The following MYOF variants were observed in gnomAD, a reference collection of about 807,000 sequenced individuals.
MYOF encodes the protein myoferlin, also known as fer-1-like 3, myoferlin.
A neutral mutation model predicts 284.2 loss-of-function variants in MYOF; 244 were observed. The observed-to-expected ratio is 0.86, with a 90% confidence interval of 0.77 to 0.95. The LOEUF (loss-of-function observed/expected upper bound fraction) is 0.95. Among genes scored for constraint, MYOF ranks in the 40% least tolerant of loss-of-function variants. The probability of loss-of-function intolerance (pLI) is 0.00; values close to 1 mark genes in which losing one functional copy is unlikely to be tolerated. For synonymous variants in MYOF, 904 were observed against 919.7 expected (o/e 0.98, Z 0.31); for missense variants, 2,496 against 2,560.6 (o/e 0.97, Z 0.54).
At position 93,328,891 on chromosome 10, in the gene MYOF, C is replaced by T. The variant is rs147755177; in HGVS notation, c.5003G>A (p.Arg1668Gln). 209 of 1,611,192 alleles carry T rather than the reference C, an allele frequency of 1.3e-4. No individual in the cohort carries two copies. The African/African-American group carries it at 2.1e-3, about 16-fold the overall frequency. The change falls in exon 45 of 54, where the codon CGA (arginine) becomes CAA (glutamine). Residue 1668 changes from arginine (R) to glutamine (Q), a missense_variant. Physicochemically the swap from Arg to Gln is conservative, Grantham distance 43 (BLOSUM62 1). This residue lies in a region of MYOF where 2,436 missense variants were observed against 2,480.7 expected (regional missense o/e 0.98). Coordinates refer to ENST00000359263, the MANE Select transcript of MYOF (RefSeq NM_013451.4). Reference sequence around the variant, plus strand: ...CAGCTGTGTTGGTCTCAGTTGATCTCGCCAGGTATTGACTCCAGAACTGTG... The same window carrying T: ...CAGCTGTGTTGGTCTCAGTTGATCTTGCCAGGTATTGACTCCAGAACTGTG... ...EYCVSGVNTWRDQLRPTQLLQ... is the reference protein window; with the variant it reads ...EYCVSGVNTWQDQLRPTQLLQ...
intron 5 of MYOF, among the ~76,000 whole-genome samples, chr10:93,420,594 G>C (rs1848318745): frequency 6.6e-6 from 1 of 152,192 alleles, no homozygotes; most frequent in Non-Finnish European, 1.5e-5. Flanking sequence ...ACAAATGGCA[G>C]GGGCAAATTT....
At chr10:93,357,636 A>G (rs894923798) in intron 29 of MYOF, among the ~76,000 whole-genome samples, 1 of 152,260 alleles carries the variant, frequency 6.6e-6, no homozygotes, top group Non-Finnish European at 1.5e-5. Flanking sequence ...TGAGAGCTCC[A>G]TGTGGGTAAT....
Position 93,402,874 on chromosome 10 carries a change from A to G in MYOF, c.860T>C (p.Val287Ala). Residue 287 changes from valine to alanine, a missense_variant, in exon 10 of 54, where the codon GTT becomes GCT. Val to Ala is a moderately conservative substitution (Grantham distance 64). Around this residue, in one of 3 missense-constraint regions of MYOF, gnomAD observed 2,436 missense variants for 2,480.7 expected, o/e 0.98. Transcript: ENST00000359263. ...MGEFKIDVGF[V>A]YDEPGHAVMR... is the part of the protein sequence containing the mutation. Reference sequence around the variant, plus strand: ...ACATTACTTACCAGGTTCATCATAAACAAATCCAACATCAATCTGGGAAAA... The same window carrying G: ...ACATTACTTACCAGGTTCATCATAAGCAAATCCAACATCAATCTGGGAAAA... 1 of 1,611,914 alleles carries G rather than the reference A, an allele frequency of 6.2e-7. No individual in the cohort carries two copies. Among genetic ancestry groups the G allele is most frequent in the Non-Finnish European group, 8.5e-7 (1 of 1,178,144 alleles).
chr10:93,425,445 C>A (rs1848547092), intron 5 of MYOF, among the ~76,000 whole-genome samples: 1 of 152,146 alleles, frequency 6.6e-6, no homozygotes, highest in Non-Finnish European at 1.5e-5. Flanking sequence ...TGTAGGCCCT[C>A]CCTCCCTGAG....
chr10:93,402,718 CTCAT>C (rs1264530382), intron 10 of MYOF, 138 bp downstream of exon 10: 33 of 693,672 alleles, frequency 4.8e-5, no homozygotes, highest in African/African-American at 7.3e-5. Flanking sequence ...TCTCCTCTCC[CTCAT>C]TAAGAAAATA....
At chr10:93,456,621 T>C (rs1008259307) in intron 2 of MYOF, among the ~76,000 whole-genome samples, 3 of 152,230 alleles carry the variant, frequency 2.0e-5, no homozygotes, top group African/African-American at 7.2e-5. Context: ...AGCAAGCTCG[T>C]GGCGGTGCCT....
intron 11 of MYOF, among the ~76,000 whole-genome samples, 196 bp downstream of exon 11, chr10:93,402,036 A>T (rs1448355250): frequency 6.6e-6 from 1 of 152,210 alleles, no homozygotes; most frequent in Non-Finnish European, 1.5e-5. Context: ...TCACTCATAG[A>T]CATCAGATAA....
chr10:93,436,967 C>G (rs887181176), intron 3 of MYOF, among the ~76,000 whole-genome samples: 55 of 152,340 alleles, frequency 3.6e-4, no homozygotes, highest in African/African-American at 1.3e-3. Flanking sequence ...ACTACTGTCT[C>G]AAAAGGAAAT....
chr10:93,478,825 CAAAAAAAAAAAAA>C, intron 1 of MYOF, among the ~76,000 whole-genome samples: 1 of 103,650 alleles, frequency 9.6e-6, no homozygotes. Flanking sequence ...GAAACAGTCT[CAAAAAAAAAAAAA>C]AAAAAGAAAG....
At chr10:93,434,159 G>A (rs778257591) in intron 3 of MYOF, among the ~76,000 whole-genome samples, 23 of 152,020 alleles carry the variant, frequency 1.5e-4, no homozygotes, top group Admixed American at 4.6e-4. Flanking sequence ...GGCCAGGTGC[G>A]GTGGCTCATG....
intron 48 of MYOF, among the ~76,000 whole-genome samples, chr10:93,321,695 T>C (rs1842848121): frequency 6.6e-6 from 1 of 150,386 alleles, no homozygotes; most frequent in Non-Finnish European, 1.5e-5. Flanking sequence ...CAGCTCTTCC[T>C]CTCTTTTTTT....
intron 1 of MYOF, among the ~76,000 whole-genome samples, chr10:93,466,215 C>T (rs1307391375): frequency 6.6e-6 from 1 of 152,216 alleles, no homozygotes; most frequent in Non-Finnish European, 1.5e-5. Context: ...CTTTGGCTTT[C>T]CAACCTTGGC....
chr10:93,396,325 G>T, intron 15 of MYOF, 101 bp from the exon 16 acceptor site: 1 of 797,470 alleles, frequency 1.3e-6, no homozygotes, highest in Non-Finnish European at 1.9e-6. Flanking sequence ...AGTTAGAGCT[G>T]GAAAATACCC....
At chr10:93,356,227 G>GC (rs1844797270) in intron 30 of MYOF, among the ~76,000 whole-genome samples, 1 of 151,998 alleles carries the variant, frequency 6.6e-6, no homozygotes, top group South Asian at 2.1e-4. Flanking sequence ...TCTTTACTGT[G>GC]CTTCAGTATG....
chr10:93,381,089 T>G (rs1173188693), intron 20 of MYOF, 130 bp downstream of exon 20: 11 of 1,040,788 alleles, frequency 1.1e-5, no homozygotes, highest in Non-Finnish European at 1.5e-5. Flanking sequence ...CTCTTCCTCA[T>G]TCAACCTTTT....
intron 1 of MYOF, among the ~76,000 whole-genome samples, chr10:93,461,208 G>C (rs2056873640): frequency 6.6e-6 from 1 of 152,194 alleles, no homozygotes; most frequent in Non-Finnish European, 1.5e-5. Context: ...AATAATGACT[G>C]GTCAGCTCAG....
intron 7 of MYOF, among the ~76,000 whole-genome samples, chr10:93,406,721 A>T (rs1847609990): frequency 6.6e-6 from 1 of 151,494 alleles, no homozygotes; most frequent in East Asian, 1.9e-4. Context: ...TTGAGGGGAG[A>T]GGTTAGAGGT....
intron 3 of MYOF, among the ~76,000 whole-genome samples, chr10:93,449,375 G>A (rs2056527220): frequency 6.6e-6 from 1 of 152,164 alleles, no homozygotes; most frequent in South Asian, 2.1e-4. Context: ...GGAGAGGCCT[G>A]GTCTAGAATA....
intron 20 of MYOF, 138 bp from the exon 21 acceptor site, chr10:93,380,125 T>C: frequency 9.0e-7 from 1 of 1,116,372 alleles, no homozygotes; most frequent in Non-Finnish European, 1.2e-6. Context: ...TTCTTTAATT[T>C]GACTCAATTA....
Sources: allele counts gnomAD v4.1 joint callset (sites outside exome capture counted in the v4.1 genomes callset), GRCh38; gene constraint gnomAD v4.1.1; regional missense constraint gnomAD v4.1.1; transcripts MANE v1.5; gene names NCBI Gene and HGNC (gene_info 2026-07-23, HGNC 2026-07-21).